The following OR51E2 variants were observed in gnomAD, a reference collection of about 807,000 sequenced individuals.
OR51E2 encodes olfactory receptor family 51 subfamily E member 2, also known as olfactory receptor 51E2.
In OR51E2, 14 loss-of-function variants were observed where a neutral mutation model predicts 13.7. The observed-to-expected ratio is 1.02, with a 90% CI of 0.68 to 1.60. OR51E2 has a LOEUF of 1.60. Among genes scored for constraint, OR51E2 ranks in the 40% most tolerant of loss-of-function variants. The pLI is 0.00. For synonymous variants in OR51E2, 180 were observed against 157.6 expected (o/e 1.14, Z -1.07); for missense variants, 483 against 413.8 (o/e 1.17, Z -1.45).
At chr11:4,683,149 T>C (rs1260593233) in intron 1 of OR51E2, among the ~76,000 whole-genome samples, 3 of 152,218 alleles carry the variant, frequency 2.0e-5, no homozygotes, top group Non-Finnish European at 4.4e-5. Context: ...CCACTTTCTT[T>C]CTTTCTATTA....
Position 4,686,262 on chromosome 11 carries a change from T to C in OR51E2, c.-50-3501A>G, listed in dbSNP as rs970567424. Among the ~76,000 whole-genome samples the C allele has an allele frequency of 7.9e-5, 12 of 152,318 alleles. No homozygotes were observed. The East Asian group carries it at 2.3e-3, about 29-fold the overall frequency. ...GAACTTGAGAAGGGTATTTATTTAGTCATTGGGTGGGTCCAAAAAGAGGGT... is the reference window on the plus strand; with the variant it reads ...GAACTTGAGAAGGGTATTTATTTAGCCATTGGGTGGGTCCAAAAAGAGGGT... On this transcript the variant is annotated intron_variant, in intron 1 of 1. Transcript: ENST00000396950.
chr11:4,691,723 C>G (rs188744135), intron 1 of OR51E2: 1 of 350,722 alleles, frequency 2.9e-6, no homozygotes, highest in Admixed American at 4.1e-5. Context: ...AAGTACAGAA[C>G]GAGATGAGAG....
rs1378390661 is a variant in OR51E2 at position 4,691,333 on chromosome 11, G to A, written c.-51+6320C>T. On this transcript the variant is annotated intron_variant, in intron 1 of 1. Coordinates refer to ENST00000396950, the MANE Select transcript of OR51E2 (RefSeq NM_030774.4). The stretch of plus-strand genomic sequence containing the variant: ...AGGGGATTAGAGACGGCCACAAAAC[G>A]ATCAAAAGCCATGGCCAACAGCACT... 4 of 457,636 alleles carry A rather than the reference G, an allele frequency of 8.7e-6. No individual in the cohort carries two copies. The East Asian group carries it at 2.1e-4, about 24-fold the overall frequency. The allele number at this position is 457,636 out of a possible 1,614,324, so 28.3% of individuals were successfully genotyped here.
At position 4,681,898 on chromosome 11, in the gene OR51E2, G is replaced by A. The variant is rs541160396; in HGVS notation, c.814C>T (p.Arg272Cys). Reference sequence around the variant, plus strand: ...AGGTAGATGTCACCCATGACAACACGCACAATGGGATGAAGGCTGTTTCCA... The same window carrying A: ...AGGTAGATGTCACCCATGACAACACACACAATGGGATGAAGGCTGTTTCCA... Reference protein sequence around the residue: ...RFGNSLHPIVRVVMGDIYLLL... With the variant: ...RFGNSLHPIVCVVMGDIYLLL... The change falls in exon 2 of 2, where the codon CGT (arginine) becomes TGT (cysteine). Residue 272 changes from arginine to cysteine, a missense_variant. Coordinates refer to ENST00000396950, the MANE Select transcript of OR51E2 (RefSeq NM_030774.4). The A allele has an allele frequency of 3.7e-5, 59 of 1,614,188 alleles. No individual in the cohort carries two copies. The highest frequency in any genetic ancestry group is 3.1e-4 in the South Asian group (28 of 91,070).
In OR51E2 at chr11:4,697,774, G is replaced by A. The variant is rs1175847280; in HGVS notation, c.-172C>T. ...GGAGACTTATTCCAGCCTGACTGGAGACAGGCACAGAGCTGAAAGGCCAAT... is the reference window on the plus strand; with the variant it reads ...GGAGACTTATTCCAGCCTGACTGGAAACAGGCACAGAGCTGAAAGGCCAAT... On this transcript the variant is annotated 5_prime_UTR_variant, in exon 1 of 2. Transcript: ENST00000396950. The A allele has an allele frequency of 6.6e-6, 1 of 152,580 alleles. No homozygotes were observed. The highest frequency in any genetic ancestry group is 2.4e-5 in the African/African-American group (1 of 41,456). The allele number at this position is 152,580 out of a possible 1,614,324, so 9.5% of individuals were successfully genotyped here.
rs541447195 is a variant in OR51E2, at chr11:4,681,964, A to G, written c.748T>C (p.Phe250Leu). Residue 250 changes from phenylalanine (F) to leucine (L), a missense_variant, in exon 2 of 2, where the codon TTC becomes CTC. Coordinates refer to ENST00000396950, the MANE Select transcript of OR51E2 (RefSeq NM_030774.4). Reference sequence around the variant, plus strand: ...GAGAGGCCAATAAGTGGCACATAGAAGGCGAGTACCACACCAATGTGTGAC... The same window carrying G: ...GAGAGGCCAATAAGTGGCACATAGAGGGCGAGTACCACACCAATGTGTGAC... ...CVSHIGVVLA[F>L]YVPLIGLSVV... The G allele has an allele frequency of 5.6e-6, 9 of 1,614,128 alleles. No individual in the cohort carries two copies. In the Admixed American group the frequency reaches 1.0e-4, roughly 18 times the overall value.
intron 1 of OR51E2, chr11:4,690,983 G>A (rs1191368208): frequency 2.2e-6 from 1 of 454,690 alleles, no homozygotes. Flanking sequence ...CACATGTACT[G>A]AAGGTTTCCT....
chr11:4,692,655 G>C (rs974907270), intron 1 of OR51E2, among the ~76,000 whole-genome samples: 1 of 152,126 alleles, frequency 6.6e-6, no homozygotes, highest in African/African-American at 2.4e-5. Context: ...CAGAGATTAG[G>C]GTTGTGGCTG....
chr11:4,682,090 C>G lies in OR51E2; in HGVS notation c.622G>C (p.Val208Leu). ...GACAAGGAGATGAACATTACGTCCA[C>G]GCCCATGACCAGCAGAATGGCAGTA... ...GLTAILLVMGVDVMFISLSYF... is the reference protein window; with the variant it reads ...GLTAILLVMGLDVMFISLSYF... The change falls in exon 2 of 2, where the codon GTG (valine) becomes CTG (leucine). Residue 208 changes from valine to leucine, a missense_variant. By Grantham distance (32) the Val-to-Leu change is conservative (BLOSUM62 1). Coordinates refer to ENST00000396950, the MANE Select transcript of OR51E2 (RefSeq NM_030774.4). 6.2e-7 allele frequency: 1 copy of G among 1,614,200 alleles called. No homozygotes were observed. The highest frequency in any genetic ancestry group is 8.5e-7 in the Non-Finnish European group (1 of 1,180,042).
intron 1 of OR51E2, chr11:4,692,089 G>A (rs1023240978): frequency 3.3e-5 from 14 of 426,508 alleles, no homozygotes; most frequent in South Asian, 2.4e-4. Flanking sequence ...AAGAGGTAGT[G>A]CATTATTTTT....
At chr11:4,694,212 T>C (rs1020919944) in intron 1 of OR51E2, among the ~76,000 whole-genome samples, 2 of 152,050 alleles carry the variant, frequency 1.3e-5, no homozygotes, top group Non-Finnish European at 2.9e-5. Context: ...GTAGTTTTTT[T>C]CCTCCTTCTT....
chr11:4,689,475 C>G (rs994269389), intron 1 of OR51E2, among the ~76,000 whole-genome samples: 4 of 152,072 alleles, frequency 2.6e-5, no homozygotes, highest in Admixed American at 6.6e-5. Context: ...CAGAGATCTC[C>G]ATAAAGCGAG....
rs765350267 is a variant in OR51E2, at chr11:4,682,504, G to C, written c.208C>G (p.Leu70Val). 2 of 1,614,212 alleles carry C rather than the reference G, an allele frequency of 1.2e-6. No individual in the cohort carries two copies. The highest frequency in any genetic ancestry group is 4.5e-5 in the East Asian group (2 of 44,888). ...GGCATGGTGGATGTGGATAAGGCCA[G>C]GTCAATGGCTGCAAGCATGCAGAGA... ...LFLCMLAAIDLALSTSTMPKI... is the reference protein window; with the variant it reads ...LFLCMLAAIDVALSTSTMPKI... Residue 70 changes from leucine (L) to valine (V), a missense_variant, in exon 2 of 2, where the codon CTG becomes GTG. Transcript: ENST00000396950.
chr11:4,696,096 CT>C (rs370540991), intron 1 of OR51E2, among the ~76,000 whole-genome samples: 40 of 152,220 alleles, frequency 2.6e-4, no homozygotes, highest in South Asian at 2.1e-3. Flanking sequence ...GCAATCAAAC[CT>C]GTAATTTAGA....
At chr11:4,691,738 A>T (rs1420895136) in intron 1 of OR51E2, 4 of 342,896 alleles carry the variant, frequency 1.2e-5, no homozygotes, top group Non-Finnish European at 5.7e-6. Flanking sequence ...TGAGAGCTTA[A>T]ACAAAAAAAA....
Position 4,681,938 on chromosome 11 carries a change from T to A in OR51E2, c.774A>T (p.Ser258=). The A allele has an allele frequency of 6.2e-7, 1 of 1,614,036 alleles. No individual in the cohort carries two copies. The highest frequency in any genetic ancestry group is 8.5e-7 in the Non-Finnish European group (1 of 1,179,938). Residue 258 remains serine (S), a synonymous_variant, in exon 2 of 2, where the codon TCA becomes TCT. Coordinates refer to ENST00000396950, the MANE Select transcript of OR51E2 (RefSeq NM_030774.4). ...GGCTGTTTCCAAAGCGGTGTACCAC[T>A]GAGAGGCCAATAAGTGGCACATAGA... ...LAFYVPLIGL[S]VVHRFGNSLH... is the part of the protein sequence containing the mutation.
intron 1 of OR51E2, among the ~76,000 whole-genome samples, chr11:4,686,105 C>T (rs1386320747): frequency 1.3e-5 from 2 of 152,182 alleles, no homozygotes; most frequent in Non-Finnish European, 2.9e-5. Flanking sequence ...TAGTTTTGTG[C>T]AGGCACTGTG....
chr11:4,688,526 T>A (rs1358191326), intron 1 of OR51E2, among the ~76,000 whole-genome samples: 1 of 152,210 alleles, frequency 6.6e-6, no homozygotes, highest in Non-Finnish European at 1.5e-5. Flanking sequence ...GATATTTATA[T>A]GCTTTTATAG....
At chr11:4,691,787 T>C in intron 1 of OR51E2, 2 of 319,024 alleles carry the variant, frequency 6.3e-6, no homozygotes, top group East Asian at 8.1e-5. Context: ...TAAAATAATT[T>C]TATTGTACAG....
Sources: gnomAD v4.1 joint callset for allele counts (sites outside exome capture counted in the v4.1 genomes callset) on GRCh38, gnomAD v4.1.1 for gene constraint, MANE v1.5 for transcripts, NCBI Gene and HGNC (gene_info 2026-07-23, HGNC 2026-07-21) for gene names.